Variants in SUSD4 observed in about 807,000 individuals in gnomAD.
SUSD4 encodes the protein sushi domain-containing protein 4.
A neutral mutation model predicts 50.5 loss-of-function variants in SUSD4; 41 were observed. That is an observed-to-expected ratio of 0.81 (90% CI 0.63 to 1.05). The LOEUF (loss-of-function observed/expected upper bound fraction) is 1.05, where lower values mean the gene tolerates loss of function less well. Among genes scored for constraint, SUSD4 ranks in the 50% least tolerant of loss-of-function variants. The pLI is 0.00. For missense variants in SUSD4, 580 were observed against 634.7 expected (o/e 0.91, Z 0.93); for synonymous variants, 257 against 257.3 (o/e 1.00, Z 0.01).
At chr1:223,245,277 G>T (rs1384557683) in intron 5 of SUSD4, among the ~76,000 whole-genome samples, 1 of 150,156 alleles carries the variant, frequency 6.7e-6, no homozygotes. Flanking sequence ...GTGTATTATT[G>T]GTCTGCAACG....
chr1:223,360,296 T>G (rs1230215574), intron 2 of SUSD4: 1 of 467,300 alleles, frequency 2.1e-6, no homozygotes, highest in African/African-American at 2.0e-5. Flanking sequence ...GCCCAGCAGG[T>G]CTCTGGTCAA....
intron 2 of SUSD4, among the ~76,000 whole-genome samples, chr1:223,311,982 A>G (rs1004232346): frequency 4.6e-5 from 7 of 152,210 alleles, no homozygotes; most frequent in African/African-American, 1.4e-4. Context: ...ATGTTATTCC[A>G]GTGAGAAGCC....
At chr1:223,364,604 C>T (rs1213426036), upstream of SUSD4, among the ~76,000 whole-genome samples, 1 of 151,058 alleles carries the variant, frequency 6.6e-6, no homozygotes, top group South Asian at 2.1e-4. The surrounding 1 kb of genome is among the most constrained non-coding windows in gnomAD (Gnocchi z 4.5). Flanking sequence ...GGACTGCAGC[C>T]CCTGCCCCGG....
chr1:223,288,696 T>G (rs1037584665), intron 3 of SUSD4, among the ~76,000 whole-genome samples: 2 of 152,186 alleles, frequency 1.3e-5, no homozygotes, highest in African/African-American at 4.8e-5. Context: ...ATGATGACAA[T>G]GGATTTTGGC....
In SUSD4 at chr1:223,246,903, C is replaced by T. The variant is rs192304149; in HGVS notation, c.725-17515G>A. Among the ~76,000 whole-genome samples, 277 of 152,228 alleles carry T rather than the reference C, an allele frequency of 1.8e-3. 2 individuals are homozygous for T. The highest frequency in any genetic ancestry group is 2.7e-3 in the Admixed American group (42 of 15,296). ...CTTGCAACTATCCATACAAATAACT[C>T]CAGGGCATGGGGCAGGGGAAGCAGA... On this transcript the variant is annotated intron_variant, in intron 5 of 8. Transcript: ENST00000366878.
At chr1:223,334,607 T>G (rs1267950830) in intron 2 of SUSD4, among the ~76,000 whole-genome samples, 1 of 152,098 alleles carries the variant, frequency 6.6e-6, no homozygotes, top group Non-Finnish European at 1.5e-5. Context: ...AAGACTAGAA[T>G]CAGGGTGACA....
intron 3 of SUSD4, 79 bp downstream of exon 3, chr1:223,292,360 C>T (rs1664545270): frequency 4.7e-6 from 7 of 1,487,642 alleles, no homozygotes; most frequent in Non-Finnish European, 4.7e-6. Context: ...GGGTATTGAG[C>T]TGTCACACAG....
chr1:223,362,019 A>T (rs1169535290), intron 2 of SUSD4, among the ~76,000 whole-genome samples: 1 of 152,172 alleles, frequency 6.6e-6, no homozygotes, highest in Non-Finnish European at 1.5e-5. Context: ...AACTACAAGC[A>T]TCCAAAAAGT....
At chr1:223,304,124 C>A (rs181966075) in intron 2 of SUSD4, among the ~76,000 whole-genome samples, 1 of 152,122 alleles carries the variant, frequency 6.6e-6, no homozygotes, top group African/African-American at 2.4e-5. Flanking sequence ...TATGAACAGG[C>A]GCCCCTCATG....
chr1:223,247,963 G>A (rs761454429), intron 5 of SUSD4, among the ~76,000 whole-genome samples: 13 of 152,226 alleles, frequency 8.5e-5, no homozygotes, highest in East Asian at 1.9e-4. Context: ...ACCTTTCACC[G>A]GACTCTTGCT....
Position 223,292,597 on chromosome 1 carries a change from C to G in SUSD4, c.203G>C (p.Arg68Thr). The G allele has an allele frequency of 6.2e-7, 1 of 1,614,126 alleles. No homozygotes were observed. Among genetic ancestry groups the G allele is most frequent in the Non-Finnish European group, 8.5e-7 (1 of 1,180,018 alleles). ...ADPGIPENGF[R>T]TPSGGVFFEG... ...AAAGAAAACCCCTCCGCTGGGGGTC[C>G]TGAAGCCATTCTCGGGAATGCCGGG... The change falls in exon 3 of 9, where the codon AGG becomes ACG. Residue 68 changes from arginine (R) to threonine (T), a missense_variant. Physicochemically the swap from Arg to Thr is moderately conservative, Grantham distance 71 (BLOSUM62 -1). Transcript: ENST00000366878.
chr1:223,288,830 T>G (rs1664303356), intron 3 of SUSD4, among the ~76,000 whole-genome samples: 1 of 152,238 alleles, frequency 6.6e-6, no homozygotes, highest in South Asian at 2.1e-4. Context: ...TTCTTTATGA[T>G]GTACAAACCG....
At chr1:223,284,447 G>C (rs1663993861) in intron 3 of SUSD4, among the ~76,000 whole-genome samples, 2 of 152,194 alleles carry the variant, frequency 1.3e-5, no homozygotes, top group Admixed American at 6.5e-5. Flanking sequence ...GAGACCATGG[G>C]AAATTCAGCC....
At chr1:223,269,727 C>A (rs1232048173) in intron 3 of SUSD4, among the ~76,000 whole-genome samples, 2 of 152,224 alleles carry the variant, frequency 1.3e-5, no homozygotes, top group Non-Finnish European at 2.9e-5. Context: ...AAACCAAGAA[C>A]AGCATTTTGT....
intron 5 of SUSD4, among the ~76,000 whole-genome samples, chr1:223,261,408 G>A (rs1437044493): frequency 7.4e-6 from 1 of 135,754 alleles, no homozygotes; most frequent in Admixed American, 7.2e-5. Flanking sequence ...TATAGTCCCA[G>A]CTCCCCCTCT....
intron 2 of SUSD4, among the ~76,000 whole-genome samples, chr1:223,355,264 G>C (rs1391507078): frequency 6.6e-6 from 1 of 152,022 alleles, no homozygotes; most frequent in Non-Finnish European, 1.5e-5. Context: ...AGTAGAGATG[G>C]GGTTTTGCCA....
intron 3 of SUSD4, among the ~76,000 whole-genome samples, chr1:223,278,573 G>A (rs900088238): frequency 2.0e-5 from 3 of 152,336 alleles, no homozygotes; most frequent in South Asian, 2.1e-4. Context: ...CTGGAAGCTC[G>A]AACTGGGTGG....
In SUSD4 at chr1:223,226,094, T is replaced by C. The variant is rs528472893; in HGVS notation, c.1061+1500A>G. 3.3e-5 allele frequency among the ~76,000 whole-genome samples: 5 copies of C among 152,330 alleles called. No individual in the cohort carries two copies. In the South Asian group the frequency reaches 8.3e-4, roughly 25 times the overall value. ...TGGAAACTTTTCTTCCAAGCATATG[T>C]AGAAAAATAGCTCTGTGGGCTCTTT... On this transcript the variant is annotated intron_variant, in intron 7 of 8. Transcript: ENST00000366878.
At chr1:223,294,557 C>T (rs1664704657) in intron 2 of SUSD4, among the ~76,000 whole-genome samples, 1 of 152,206 alleles carries the variant, frequency 6.6e-6, no homozygotes, top group Non-Finnish European at 1.5e-5. Context: ...AGGCATGGCA[C>T]TGGCAGGATG....
Sources: gnomAD v4.1 joint callset for allele counts (sites outside exome capture counted in the v4.1 genomes callset) on GRCh38, gnomAD v4.1.1 for gene constraint, Gnocchi (gnomAD v3.1) non-coding constraint, MANE v1.5 for transcripts, NCBI Gene and HGNC (gene_info 2026-07-23, HGNC 2026-07-21) for gene names.